ZMAT5: variants seen among roughly 807,000 people sequenced by gnomAD.
ZMAT5 encodes the protein zinc finger matrin-type protein 5.
ZMAT5 carries 23 observed loss-of-function variants against 28.0 expected under a neutral mutation model. The observed-to-expected ratio is 0.82, with a 90% confidence interval of 0.59 to 1.16. ZMAT5 has a LOEUF of 1.16. ZMAT5 is among the 50% of genes most tolerant of loss of function. The pLI is 0.00. For missense variants in ZMAT5, 173 were observed against 212.7 expected, an observed-to-expected ratio of 0.81 and a Z score of 1.16; for synonymous variants, 76 against 84.1, an observed-to-expected ratio of 0.90 and a Z score of 0.52.
intron 2 of ZMAT5, among the ~76,000 whole-genome samples, chr22:29,745,689 T>C (rs1209954016): frequency 6.6e-6 from 1 of 152,192 alleles, no homozygotes; most frequent in Non-Finnish European, 1.5e-5. Flanking sequence ...AGGGCCACAG[T>C]GTTAGTGAGT....
chr22:29,737,328 A>C lies in ZMAT5; in HGVS notation c.383+1002T>G, dbSNP rs118069052. Among the ~76,000 whole-genome samples, 436 of 152,306 alleles carry C rather than the reference A, an allele frequency of 2.9e-3. 2 individuals are homozygous for C. The highest frequency in any genetic ancestry group is 4.8e-3 in the Non-Finnish European group (326 of 68,022). ...GGGCAATACAGCAAGACTCCATCAC[A>C]AAAAAAGAAAGAAAGAAAGAAAAAA... On this transcript the variant is annotated intron_variant, in intron 5 of 5. Transcript: ENST00000344318.
At chr22:29,758,627 AG>A (rs1218737916) in intron 1 of ZMAT5, 4 of 152,234 alleles carry the variant, frequency 2.6e-5, no homozygotes, top group Non-Finnish European at 5.9e-5. Flanking sequence ...CATTCAAAAA[AG>A]AAAAGAAAAC....
chr22:29,737,977 G>A lies in ZMAT5; in HGVS notation c.383+353C>T, dbSNP rs546965892. On this transcript the variant is annotated intron_variant, in intron 5 of 5. Transcript: ENST00000344318. ...TCGCACCCTCCCTGTTTTCCCTTCT[G>A]CAAGGCCCTAGAGGCAACAGTGGGC... 3.2e-3 allele frequency among the ~76,000 whole-genome samples: 482 copies of A among 152,064 alleles called. 1 individual carries two copies. Among genetic ancestry groups the A allele is most frequent in the Middle Eastern group, 0.014 (4 of 292 alleles).
At position 29,748,321 on chromosome 22, in the gene ZMAT5, C is replaced by A. The variant is rs373305722; in HGVS notation, c.127+97G>T. 122 of 1,579,090 alleles carry A rather than the reference C, an allele frequency of 7.7e-5. No individual in the cohort carries two copies. The East Asian group carries it at 2.2e-3, about 29-fold the overall frequency. ...CCTCTCTTTTGATCCTCAAAGAGCC[C>A]AGACCTAGACTGTCACTGACCCACA... On this transcript the variant is annotated intron_variant, in intron 2 of 5. Transcript: ENST00000344318.
intron 3 of ZMAT5, 104 bp from the exon 4 acceptor site, chr22:29,740,834 G>A: frequency 9.5e-7 from 1 of 1,051,964 alleles, no homozygotes; most frequent in Non-Finnish European, 1.4e-6. Flanking sequence ...CAGGACTTCA[G>A]GGCCTAAAGA....
At chr22:29,750,417 GA>G (rs1264761831) in intron 1 of ZMAT5, among the ~76,000 whole-genome samples, 1 of 152,196 alleles carries the variant, frequency 6.6e-6, no homozygotes, top group Non-Finnish European at 1.5e-5. Context: ...GTCACAGAGG[GA>G]AATGAAAACA....
chr22:29,755,031 C>T (rs915740073), intron 1 of ZMAT5, among the ~76,000 whole-genome samples: 3 of 152,144 alleles, frequency 2.0e-5, no homozygotes, highest in South Asian at 4.1e-4. Context: ...CACGGTGGCT[C>T]ATGTCTGTAA....
rs539003741 is a variant in ZMAT5 at position 29,766,135 on chromosome 22, G to A, written c.-28+737C>T. Among the ~76,000 whole-genome samples the A allele has an allele frequency of 1.5e-4, 23 of 152,266 alleles. No homozygotes were observed. The South Asian group carries it at 4.6e-3, about 30-fold the overall frequency. On this transcript the variant is annotated intron_variant, in intron 1 of 5. Transcript: ENST00000344318. ...TGGAGACCAGCCTGGGCAACACAGT[G>A]AGACCCTGTCTCTAAAAACAAAAAC...
At chr22:29,750,197 G>T (rs569227646) in intron 1 of ZMAT5, among the ~76,000 whole-genome samples, 1 of 152,212 alleles carries the variant, frequency 6.6e-6, no homozygotes, top group Admixed American at 6.5e-5. Flanking sequence ...TTTCCCTTTG[G>T]GACAACTGAG....
At chr22:29,764,826 G>A (rs1275146993) in intron 1 of ZMAT5, among the ~76,000 whole-genome samples, 1 of 151,910 alleles carries the variant, frequency 6.6e-6, no homozygotes, top group Non-Finnish European at 1.5e-5. Flanking sequence ...TCATGGAGAC[G>A]GTCTCACTAT....
At chr22:29,740,286 G>T (rs757847024) in intron 4 of ZMAT5, among the ~76,000 whole-genome samples, 1 of 152,106 alleles carries the variant, frequency 6.6e-6, no homozygotes, top group Non-Finnish European at 1.5e-5. Flanking sequence ...GTCGTAAGGG[G>T]TCTGCTTGGT....
intron 1 of ZMAT5, among the ~76,000 whole-genome samples, chr22:29,764,563 C>T (rs1254204372): frequency 6.6e-6 from 1 of 152,114 alleles, no homozygotes; most frequent in African/African-American, 2.4e-5. Flanking sequence ...TGCAGTGACG[C>T]GATCTCAGTT....
chr22:29,738,731 T>G (rs1458041885), intron 4 of ZMAT5, among the ~76,000 whole-genome samples: 1 of 151,962 alleles, frequency 6.6e-6, no homozygotes, highest in Non-Finnish European at 1.5e-5. Context: ...TGGCCAGGCG[T>G]GGTGGCTCAC....
At chr22:29,760,215 T>TA (rs970122659) in intron 1 of ZMAT5, among the ~76,000 whole-genome samples, 2 of 142,796 alleles carry the variant, frequency 1.4e-5, no homozygotes, top group Admixed American at 6.9e-5. Context: ...AATAAAAAAA[T>TA]AAAAAAAATT....
At chr22:29,760,348 G>A (rs1447311748) in intron 1 of ZMAT5, among the ~76,000 whole-genome samples, 2 of 149,004 alleles carry the variant, frequency 1.3e-5, no homozygotes, top group Non-Finnish European at 3.0e-5. Context: ...ACTCCAGCCT[G>A]AGTGACAGAG....
intron 3 of ZMAT5, among the ~76,000 whole-genome samples, chr22:29,741,462 C>G (rs571120745): frequency 1.8e-4 from 27 of 152,338 alleles, no homozygotes; most frequent in African/African-American, 6.5e-4. Context: ...CCCTTACAAA[C>G]CATGTGAATC....
intron 1 of ZMAT5, among the ~76,000 whole-genome samples, chr22:29,757,615 C>A (rs1473789443): frequency 1.3e-5 from 2 of 152,248 alleles, no homozygotes; most frequent in Non-Finnish European, 2.9e-5. Context: ...ATCCCACCTC[C>A]TGATTTTCAC....
chr22:29,737,832 C>A (rs1383491390), intron 5 of ZMAT5, among the ~76,000 whole-genome samples: 1 of 152,100 alleles, frequency 6.6e-6, no homozygotes, highest in Non-Finnish European at 1.5e-5. Context: ...TTGTGAGCGT[C>A]CCGAGGGCTG....
At chr22:29,731,399 C>T in intron 5 of ZMAT5, 45 bp from the exon 6 acceptor site, 1 of 1,525,364 alleles carries the variant, frequency 6.6e-7, no homozygotes, top group Non-Finnish European at 8.7e-7. Context: ...TGCACTACAG[C>T]CCAGGCTTAT....
Sources: allele counts gnomAD v4.1 joint callset (sites outside exome capture counted in the v4.1 genomes callset), GRCh38; gene constraint gnomAD v4.1.1; transcripts MANE v1.5; gene names NCBI Gene and HGNC (gene_info 2026-07-23, HGNC 2026-07-21).